The following LAMA4 variants were observed in gnomAD, a reference collection of about 807,000 sequenced individuals.
LAMA4 encodes the protein laminin subunit alpha-4.
A neutral mutation model predicts 207.1 loss-of-function variants in LAMA4; 127 were observed. The ratio of observed to expected loss-of-function variants is 0.61; its 90% CI spans 0.53 to 0.71. The LOEUF (loss-of-function observed/expected upper bound fraction) is 0.71, where lower values mean the gene tolerates loss of function less well. Among genes scored for constraint, LAMA4 ranks in the 30% least tolerant of loss-of-function variants. The pLI, the probability that LAMA4 is intolerant of heterozygous loss-of-function variation, is 0.00. For synonymous variants in LAMA4, 761 were observed against 816.0 expected (o/e 0.93, Z 1.15); for missense variants, 2,093 against 2,246.5 (o/e 0.93, Z 1.38).
intron 10 of LAMA4, among the ~76,000 whole-genome samples, 184 bp from the exon 11 acceptor site, chr6:112,175,664 A>G (rs868906197): frequency 6.6e-6 from 1 of 152,226 alleles, no homozygotes; most frequent in Non-Finnish European, 1.5e-5. Flanking sequence ...CTCATCATCT[A>G]TTCCACGAAG....
chr6:112,203,090 G>A (rs782768398), intron 4 of LAMA4, among the ~76,000 whole-genome samples: 23 of 152,150 alleles, frequency 1.5e-4, no homozygotes, highest in Non-Finnish European at 2.9e-4. Context: ...AGGCAGACTC[G>A]GTGGCAGGGC....
chr6:112,139,390 C>T, intron 23 of LAMA4, 99 bp from the exon 24 acceptor site: 1 of 1,282,860 alleles, frequency 7.8e-7, no homozygotes, highest in Non-Finnish European at 1.1e-6. Flanking sequence ...TTCTGTGGAC[C>T]TTACAACATT....
chr6:112,173,066 AC>A (rs1325615435), intron 11 of LAMA4, among the ~76,000 whole-genome samples: 1 of 152,158 alleles, frequency 6.6e-6, no homozygotes, highest in Non-Finnish European at 1.5e-5. Flanking sequence ...TTTTGTGAAA[AC>A]CATATCATTA....
At chr6:112,156,255 C>T (rs190299713) in intron 14 of LAMA4, among the ~76,000 whole-genome samples, 5 of 152,220 alleles carry the variant, frequency 3.3e-5, no homozygotes, top group Admixed American at 1.3e-4. Context: ...CCCTTTCACA[C>T]GATAGTCTCT....
chr6:112,211,184 T>C (rs1227321394), intron 3 of LAMA4, among the ~76,000 whole-genome samples: 1 of 152,188 alleles, frequency 6.6e-6, no homozygotes, highest in Non-Finnish European at 1.5e-5. Context: ...TCCATGCAGC[T>C]GGTCTGGATT....
chr6:112,241,135 AGG>A (rs1562101875), intron 2 of LAMA4, among the ~76,000 whole-genome samples: 11 of 102,558 alleles, frequency 1.1e-4, no homozygotes, highest in African/African-American at 3.1e-4. Flanking sequence ...ATGAATATAT[AGG>A]AATATATATA....
chr6:112,199,568 G>A (rs187138586), intron 5 of LAMA4, among the ~76,000 whole-genome samples: 51 of 152,124 alleles, frequency 3.4e-4, no homozygotes, highest in African/African-American at 1.2e-3. Context: ...CAATGTAATC[G>A]ATCATCTCTG....
intron 3 of LAMA4, among the ~76,000 whole-genome samples, chr6:112,215,932 T>C (rs1784601017): frequency 6.6e-6 from 1 of 152,228 alleles, no homozygotes; most frequent in Non-Finnish European, 1.5e-5. Context: ...AAAAACTAAT[T>C]TTGATCTATA....
At chr6:112,173,273 C>T (rs12210552) in intron 11 of LAMA4, among the ~76,000 whole-genome samples, 3,838 of 152,198 alleles carry the variant, frequency 0.025, 75 homozygotes, top group Non-Finnish European at 0.039. Context: ...CAAATCCAAA[C>T]CATGATTTTG....
chr6:112,217,020 A>G (rs1309108495), intron 2 of LAMA4, among the ~76,000 whole-genome samples: 1 of 152,220 alleles, frequency 6.6e-6, no homozygotes, highest in Admixed American at 6.5e-5. Context: ...AAGGAAGTTA[A>G]TGAGTTCTTA....
chr6:112,112,922 C>A (rs889305032), intron 38 of LAMA4, among the ~76,000 whole-genome samples: 2 of 152,046 alleles, frequency 1.3e-5, no homozygotes, highest in Non-Finnish European at 2.9e-5. Flanking sequence ...CACAGAAAGA[C>A]AAATATCATG....
chr6:112,137,015 T>C (rs1779394312), intron 24 of LAMA4, among the ~76,000 whole-genome samples: 1 of 152,156 alleles, frequency 6.6e-6, no homozygotes, highest in Non-Finnish European at 1.5e-5. Flanking sequence ...AAAGAATTCT[T>C]CCATATTATC....
chr6:112,150,717 A>G, intron 16 of LAMA4, 90 bp from the exon 17 acceptor site: 1 of 887,972 alleles, frequency 1.1e-6, no homozygotes, highest in South Asian at 1.3e-5. Context: ...CATTTGTACG[A>G]TGCAGTCATC....
intron 8 of LAMA4, chr6:112,186,908 C>A (rs1554346818): frequency 4.4e-6 from 2 of 454,914 alleles, no homozygotes; most frequent in African/African-American, 2.0e-5. Context: ...ACCAGTAGAG[C>A]TATGAGGAGA....
chr6:112,141,352 C>G lies in LAMA4; in HGVS notation c.2813+6G>C, dbSNP rs763257466. ...ATATATGCCCTGTGTCATGGATTCA[C>G]TGTACCTTTCAATCTTGACAATGCT... On this transcript the variant is annotated splice_donor_region_variant and intron_variant, in intron 21 of 38. Coordinates refer to ENST00000230538, the MANE Select transcript of LAMA4 (RefSeq NM_001105206.3). 3 of 1,613,904 alleles carry G rather than the reference C, an allele frequency of 1.9e-6. No individual in the cohort carries two copies. The highest frequency in any genetic ancestry group is 1.3e-5 in the African/African-American group (1 of 74,912).
chr6:112,242,811 T>C (rs782121068), intron 2 of LAMA4, among the ~76,000 whole-genome samples: 13 of 152,208 alleles, frequency 8.5e-5, no homozygotes, highest in Non-Finnish European at 1.8e-4. Context: ...GTTATTAAGA[T>C]TTAGTGGACA....
chr6:112,241,160 T>TGAATATATATGAATATATAG lies in LAMA4; in HGVS notation c.195+12795_195+12796insCTATATATTCATATATATTC, dbSNP rs1554187623. Among the ~76,000 whole-genome samples the TGAATATATATGAATATATAG allele has an allele frequency of 1.8e-4, 10 of 56,018 alleles. 1 individual carries two copies. Among genetic ancestry groups the TGAATATATATGAATATATAG allele is most frequent in the Admixed American group, 1.3e-3 (8 of 6,142 alleles). 36.7% of individuals were successfully genotyped at this position (56,018 alleles called of 152,430 possible). A position where few individuals can be genotyped will look rare whatever the true frequency, so the allele number is the denominator to read the frequency against. On this transcript the variant is annotated intron_variant, in intron 2 of 38. Transcript: ENST00000230538. ...AGGAATATATATATGAATATATATA[T>TGAATATATATGAATATATAG]GAATATATATGAATATATATGAATA...
intron 9 of LAMA4, chr6:112,179,123 G>A (rs914668161): frequency 5.9e-5 from 9 of 152,136 alleles, no homozygotes; most frequent in Admixed American, 2.0e-4. Flanking sequence ...TTGGCTCAGC[G>A]TGAATGGAGC....
chr6:112,144,800 G>A lies in LAMA4; in HGVS notation c.2487C>T (p.Ala829=). The change falls in exon 19 of 39, where the codon GCC becomes GCT. Residue 829 remains alanine (A), a synonymous_variant. Transcript: ENST00000230538. Reference sequence around the variant, plus strand: ...GAGTCTTTTCATCAGTTACCTTGCTGGCAACACTTCTGGTCTGAGCAATGA... The same window carrying A: ...GAGTCTTTTCATCAGTTACCTTGCTAGCAACACTTCTGGTCTGAGCAATGA... ...RELIAQTRSV[A]SKIQVSMMFD... is the part of the protein sequence containing the mutation. 1 of 1,613,370 alleles carries A rather than the reference G, an allele frequency of 6.2e-7. No homozygotes were observed. Among genetic ancestry groups the A allele is most frequent in the Non-Finnish European group, 8.5e-7 (1 of 1,179,986 alleles).
Sources: gnomAD v4.1 joint callset for allele counts (sites outside exome capture counted in the v4.1 genomes callset) on GRCh38, gnomAD v4.1.1 for gene constraint, MANE v1.5 for transcripts, NCBI Gene and HGNC (gene_info 2026-07-23, HGNC 2026-07-21) for gene names.